PADI1: variants seen among roughly 807,000 people sequenced by gnomAD.
PADI1 encodes peptidyl arginine deiminase 1.
In PADI1, 65 loss-of-function variants were observed where a neutral mutation model predicts 74.8. The observed-to-expected ratio is 0.87, with a 90% CI of 0.71 to 1.07. PADI1 has a LOEUF of 1.07. PADI1 is among the 50% of genes least tolerant of loss of function. PADI1 has a pLI of 0.00. For synonymous variants in PADI1, 371 were observed against 336.2 expected (o/e 1.10, Z -1.13); for missense variants, 943 against 854.0 (o/e 1.10, Z -1.30).
chr1:17,207,135 G>A (rs1569730035), intron 1 of PADI1, among the ~76,000 whole-genome samples: 1 of 152,314 alleles, frequency 6.6e-6, no homozygotes, highest in South Asian at 2.1e-4. Context: ...GGTGATTTCA[G>A]AACCTCTGGC....
At chr1:17,230,254 A>G in intron 9 of PADI1, 46 bp downstream of exon 9, 1 of 1,593,738 alleles carries the variant, frequency 6.3e-7, no homozygotes. Flanking sequence ...TGGCTTGGGG[A>G]AAGGGAAGCC....
At chr1:17,226,251 G>T in intron 6 of PADI1, 93 bp downstream of exon 6, 1 of 1,405,728 alleles carries the variant, frequency 7.1e-7, no homozygotes. Context: ...TCACCTTTTT[G>T]TAACTCTCAT....
At chr1:17,243,960 C>A (rs776915847) in intron 15 of PADI1, 50 bp from the exon 16 acceptor site, 2 of 1,335,566 alleles carry the variant, frequency 1.5e-6, no homozygotes, top group Non-Finnish European at 2.1e-6. Context: ...GTGCCAGAAG[C>A]ACAGCACTTA....
intron 6 of PADI1, among the ~76,000 whole-genome samples, chr1:17,227,565 A>AT (rs1385235031): frequency 4.8e-5 from 7 of 145,986 alleles, no homozygotes; most frequent in African/African-American, 1.2e-4. Flanking sequence ...AAATAAATAA[A>AT]TAAATAAATA....
At position 17,232,881 on chromosome 1, in the gene PADI1, C is replaced by G; in HGVS notation, c.1224C>G (p.Ser408=). The G allele has an allele frequency of 1.2e-6, 2 of 1,613,654 alleles. No homozygotes were observed. The highest frequency in any genetic ancestry group is 2.2e-5 in the South Asian group (2 of 91,050). Reference sequence around the variant, plus strand: ...TCCCTGGTCCCTCCAGCCTTGACTCCTTCGGCAACCTGGACGTCAGCCCGC... The same window carrying G: ...TCCCTGGTCCCTCCAGCCTTGACTCGTTCGGCAACCTGGACGTCAGCCCGC... ...IPLPGPSSLD[S]FGNLDVSPPV... Residue 408 remains serine, a synonymous_variant, in exon 11 of 16, where the codon TCC becomes TCG. Transcript: ENST00000375471.
At chr1:17,228,854 G>T (rs1473494995) in intron 7 of PADI1, 57 bp downstream of exon 7, 5 of 1,600,658 alleles carry the variant, frequency 3.1e-6, no homozygotes, top group South Asian at 1.1e-5. Context: ...GGCCCAGTTT[G>T]CAGGCTCCAG....
intron 1 of PADI1, among the ~76,000 whole-genome samples, chr1:17,210,052 C>T (rs2071793673): frequency 1.3e-5 from 2 of 152,226 alleles, no homozygotes; most frequent in African/African-American, 2.4e-5. Context: ...GTTTTCCAGG[C>T]TGGTCTCGAA....
intron 1 of PADI1, among the ~76,000 whole-genome samples, chr1:17,212,632 C>T (rs1001640178): frequency 2.6e-5 from 4 of 152,202 alleles, no homozygotes; most frequent in Admixed American, 2.6e-4. Flanking sequence ...AAGCAAGTTG[C>T]AGCCACGCAA....
At chr1:17,210,059 C>T (rs928040173) in intron 1 of PADI1, among the ~76,000 whole-genome samples, 3 of 152,066 alleles carry the variant, frequency 2.0e-5, no homozygotes, top group South Asian at 2.1e-4. Flanking sequence ...AGGCTGGTCT[C>T]GAACTCCTGA....
chr1:17,228,583 A>G, intron 6 of PADI1, 42 bp from the exon 7 acceptor site: 1 of 1,606,824 alleles, frequency 6.2e-7, no homozygotes, highest in Non-Finnish European at 8.5e-7. Flanking sequence ...GCAGCCCCTC[A>G]CCCCTGTCTC....
chr1:17,227,575 AAATAAATT>A (rs1429424994), intron 6 of PADI1, among the ~76,000 whole-genome samples: 1 of 138,022 alleles, frequency 7.2e-6, no homozygotes, highest in Non-Finnish European at 1.6e-5. Flanking sequence ...ATAAATAAAT[AAATAAATT>A]ACCACTCCTT....
At chr1:17,239,876 T>C in intron 14 of PADI1, 93 bp downstream of exon 14, 1 of 1,001,280 alleles carries the variant, frequency 1.0e-6, no homozygotes, top group Admixed American at 2.0e-5. Flanking sequence ...GATTCAGCGC[T>C]GGAGCTCTCA....
intron 6 of PADI1, 131 bp downstream of exon 6, chr1:17,226,289 G>A: frequency 2.1e-6 from 2 of 966,496 alleles, no homozygotes; most frequent in South Asian, 3.1e-5. Flanking sequence ...CACTCCATCA[G>A]TACCAAATAT....
intron 1 of PADI1, among the ~76,000 whole-genome samples, chr1:17,210,327 T>G (rs1190057795): frequency 2.0e-5 from 3 of 152,008 alleles, no homozygotes; most frequent in Non-Finnish European, 4.4e-5. Flanking sequence ...CGGCCAATTT[T>G]TTTCCATTTT....
In PADI1 at chr1:17,237,444, A is replaced by G. The variant is rs752558593; in HGVS notation, c.1444A>G (p.Thr482Ala). Residue 482 changes from threonine (T) to alanine (A), a missense_variant, in exon 12 of 16, where the codon ACC becomes GCC. Physicochemically the swap from Thr to Ala is moderately conservative, Grantham distance 58. Transcript: ENST00000375471. ...HVDEFLTFVPTSDQKGFRLLL... is the reference protein window; with the variant it reads ...HVDEFLTFVPASDQKGFRLLL... ...GGACGAGTTTCTGACCTTTGTGCCT[A>G]CCTCTGACCAAAAGGTGCGTCCCCT... 2 of 1,610,972 alleles carry G rather than the reference A, an allele frequency of 1.2e-6. No homozygotes were observed. The highest frequency in any genetic ancestry group is 2.2e-5 in the East Asian group (1 of 44,652).
At chr1:17,224,500 G>T (rs958286355) in intron 4 of PADI1, 72 bp downstream of exon 4, 21 of 1,146,046 alleles carry the variant, frequency 1.8e-5, no homozygotes, top group Non-Finnish European at 2.6e-5. Flanking sequence ...GGTGGATTGT[G>T]CCCTCCCTCC....
chr1:17,223,997 C>T (rs958563221), intron 3 of PADI1, among the ~76,000 whole-genome samples: 3 of 152,264 alleles, frequency 2.0e-5, no homozygotes, highest in South Asian at 4.1e-4. Flanking sequence ...CAGCACGGAA[C>T]GTGCCCCCTT....
chr1:17,210,291 G>A (rs1557447280), intron 1 of PADI1, among the ~76,000 whole-genome samples: 1 of 152,018 alleles, frequency 6.6e-6, no homozygotes, highest in Non-Finnish European at 1.5e-5. Context: ...CAAGTAGCTA[G>A]GATTACAGGC....
chr1:17,231,091 AACACCT>A (rs2072478793), intron 10 of PADI1, among the ~76,000 whole-genome samples: 1 of 152,090 alleles, frequency 6.6e-6, no homozygotes, highest in Admixed American at 6.5e-5. Context: ...ATGTTTTCTG[AACACCT>A]ACTACGTGCC....
Sources: allele counts gnomAD v4.1 joint callset (sites outside exome capture counted in the v4.1 genomes callset), GRCh38; gene constraint gnomAD v4.1.1; transcripts MANE v1.5; gene names NCBI Gene and HGNC (gene_info 2026-07-23, HGNC 2026-07-21).